Variants in ASAH1 observed in about 807,000 individuals in gnomAD.
The protein encoded by ASAH1 is N-acylsphingosine amidohydrolase 1.
A neutral mutation model predicts 59.5 loss-of-function variants in ASAH1; 70 were observed. The ratio of observed to expected loss-of-function variants is 1.18; its 90% confidence interval spans 0.97 to 1.43. The LOEUF is 1.43. Among genes scored for constraint, ASAH1 ranks in the 40% most tolerant of loss-of-function variants. ASAH1 has a pLI of 0.00. For synonymous variants in ASAH1, 213 were observed against 166.5 expected, an observed-to-expected ratio of 1.28 and a Z score of -2.15; for missense variants, 660 against 482.5, an observed-to-expected ratio of 1.37 and a Z score of -3.45.
intron 2 of ASAH1, 197 bp downstream of exon 2, chr8:18,075,344 A>T: frequency 1.4e-6 from 1 of 700,788 alleles, no homozygotes; most frequent in South Asian, 1.5e-5. Flanking sequence ...GGGCATTTGA[A>T]TCGGAAGATA....
In ASAH1 at chr8:18,057,510, G is replaced by A. The variant is rs182371905; in HGVS notation, c.*24C>T. On this transcript the variant is annotated 3_prime_UTR_variant, in exon 14 of 14. Coordinates refer to ENST00000637790, the MANE Select transcript of ASAH1 (RefSeq NM_177924.5). The stretch of plus-strand genomic sequence containing the variant: ...ATGGTGTCTTCATGTCTCAGAGGCC[G>A]CATTCTGTAGGCCAGACGTGTGCTC... The A allele has an allele frequency of 4.2e-5, 66 of 1,555,300 alleles. No individual in the cohort carries two copies. The highest frequency in any genetic ancestry group is 2.8e-4 in the East Asian group (12 of 42,686).
Position 18,067,251 on chromosome 8 carries a change from C to A in ASAH1, c.351G>T (p.Lys117Asn). ...NFPGPFEEEM[K>N]GIAAVTDIPL... ...GTATATCAGTAACAGCGGCAATACC[C>A]TTCATTTCCTCTTCAAAAGGGCCAG... Residue 117 changes from lysine (K) to asparagine (N), a missense_variant, in exon 5 of 14, where the codon AAG becomes AAT. Physicochemically the swap from Lys to Asn is moderately conservative, Grantham distance 94 (BLOSUM62 0). Transcript: ENST00000637790. 1 of 1,597,230 alleles carries A rather than the reference C, an allele frequency of 6.3e-7. No individual in the cohort carries two copies. The highest frequency in any genetic ancestry group is 2.2e-5 in the East Asian group (1 of 44,668).
rs886062781 is a variant in ASAH1, at chr8:18,061,458, C to A, written c.704G>T (p.Gly235Val). 3 of 1,610,128 alleles carry A rather than the reference C, an allele frequency of 1.9e-6. No individual in the cohort carries two copies. The highest frequency in any genetic ancestry group is 2.6e-6 in the Non-Finnish European group (3 of 1,176,294). ...CTTTCCCAGAATCCATTCTAGAATA[C>A]CTGGAAGAGATGAACACAATGTCAG... ...ERFSINGGYL[G>V]ILEWILGKKD... is the part of the protein sequence containing the mutation. Residue 235 changes from glycine (G) to valine (V), a missense_variant and splice_region_variant, in exon 10 of 14, where the codon GGT becomes GTT. By Grantham distance (109) the Gly-to-Val change is moderately radical. Transcript: ENST00000637790.
chr8:18,073,717 G>C (rs1391862315), intron 2 of ASAH1, among the ~76,000 whole-genome samples: 1 of 152,148 alleles, frequency 6.6e-6, no homozygotes, highest in Non-Finnish European at 1.5e-5. Context: ...TAATTGAAAA[G>C]GATGATCTCA....
upstream of ASAH1, chr8:18,084,141 C>T: frequency 6.4e-7 from 1 of 1,572,974 alleles, no homozygotes; most frequent in Non-Finnish European, 8.6e-7. Flanking sequence ...CACGCCCCCT[C>T]CGCCGCGTGA....
chr8:18,064,994 A>G (rs1401344901), intron 5 of ASAH1: 1 of 155,078 alleles, frequency 6.4e-6, no homozygotes, highest in African/African-American at 2.4e-5. Context: ...ATTCTAGGGT[A>G]TTTTATTTTT....
chr8:18,058,425 AG>A (rs1309448918), intron 13 of ASAH1: 1 of 180,736 alleles, frequency 5.5e-6, no homozygotes, highest in Non-Finnish European at 1.2e-5. Flanking sequence ...ACTACAGTGT[AG>A]GGAAAAGATA....
At chr8:18,064,776 C>G (rs1799863132) in intron 5 of ASAH1, 1 of 452,324 alleles carries the variant, frequency 2.2e-6, no homozygotes, top group East Asian at 3.5e-5. Context: ...TGCAATTGTT[C>G]TCCAACATCA....
At chr8:18,075,665 T>C in intron 1 of ASAH1, 78 bp from the exon 2 acceptor site, 1 of 1,343,174 alleles carries the variant, frequency 7.4e-7, no homozygotes, top group Non-Finnish European at 1.1e-6. Context: ...AAGTAGTTAA[T>C]CTGTGAAGAC....
In ASAH1 at chr8:18,062,280, G is replaced by A. The variant is rs919528988; in HGVS notation, c.647C>T (p.Pro216Leu). The A allele has an allele frequency of 8.7e-6, 14 of 1,614,044 alleles. No individual in the cohort carries two copies. Among genetic ancestry groups the A allele is most frequent in the Admixed American group, 1.7e-5 (1 of 60,006 alleles). The change falls in exon 8 of 14, where the codon CCA (proline) becomes CTA (leucine). Residue 216 changes from proline to leucine, a missense_variant and splice_region_variant. Transcript: ENST00000637790. ...GYVGMLTGFK[P>L]GLFSLTLNER... The stretch of plus-strand genomic sequence containing the variant: ...ATTATGTAACAACAGACTCCTTACT[G>A]GTTTGAATCCTGTTAACATGCCCAC...
intron 1 of ASAH1, among the ~76,000 whole-genome samples, chr8:18,077,158 A>G (rs1800437283): frequency 1.3e-5 from 2 of 152,206 alleles, no homozygotes; most frequent in Non-Finnish European, 2.9e-5. Context: ...ATTTCTGATA[A>G]TTCACAGAAA....
chr8:18,080,114 G>A (rs1800590614), intron 1 of ASAH1, among the ~76,000 whole-genome samples: 1 of 152,210 alleles, frequency 6.6e-6, no homozygotes, highest in African/African-American at 2.4e-5. Context: ...AAAAGCAGAT[G>A]AAGTGCAATA....
intron 1 of ASAH1, among the ~76,000 whole-genome samples, chr8:18,082,229 T>G (rs1285725583): frequency 6.6e-6 from 1 of 152,160 alleles, no homozygotes; most frequent in Non-Finnish European, 1.5e-5. Flanking sequence ...CATTGAGAGG[T>G]TGTTAATTCT....
chr8:18,064,682 T>C, intron 5 of ASAH1, 151 bp from the exon 6 acceptor site: 1 of 621,892 alleles, frequency 1.6e-6, no homozygotes, highest in Admixed American at 2.7e-5. Context: ...GGTGGTTTTC[T>C]TCCCCAGCCT....
At chr8:18,064,129 A>G (rs192210792) in intron 6 of ASAH1, 126 of 497,242 alleles carry the variant, frequency 2.5e-4, no homozygotes, top group African/African-American at 2.3e-3. Context: ...ATACACGAAG[A>G]TAAGGAAGCA....
chr8:18,080,401 C>T (rs1039057540), intron 1 of ASAH1, among the ~76,000 whole-genome samples: 1 of 152,130 alleles, frequency 6.6e-6, no homozygotes, highest in African/African-American at 2.4e-5. Flanking sequence ...CTTAGCCTAC[C>T]GCAAGCTGTT....
chr8:18,073,723 T>A (rs928424406), intron 2 of ASAH1, among the ~76,000 whole-genome samples: 23 of 152,158 alleles, frequency 1.5e-4, no homozygotes. Context: ...AAAAGGATGA[T>A]CTCAAAGGAA....
chr8:18,062,069 C>A, intron 8 of ASAH1: 1 of 677,646 alleles, frequency 1.5e-6, no homozygotes, highest in Non-Finnish European at 2.5e-6. Context: ...GCCACATGCT[C>A]TTTATCCCAG....
Position 18,075,565 on chromosome 8 carries a change from G to C in ASAH1, c.101C>G (p.Ser34Ter). The stretch of plus-strand genomic sequence containing the variant: ...CGTTGGTCCTGAAGGAGGATAGGTT[G>C]ATTTTCTGCAGTCCTCTGTCCACTG... ...APPWTEDCRK[S>*]TYPPSGPTYR... Residue 34 changes from serine to a stop codon, truncating the protein, a stop_gained, in exon 2 of 14, where the codon TCA (serine) becomes TGA (stop). Transcript: ENST00000637790. LOFTEE classifies it high-confidence loss of function. The C allele has an allele frequency of 1.2e-6, 2 of 1,614,148 alleles. No homozygotes were observed. Among genetic ancestry groups the C allele is most frequent in the Non-Finnish European group, 1.7e-6 (2 of 1,180,006 alleles).
Sources: gnomAD v4.1 joint callset for allele counts (sites outside exome capture counted in the v4.1 genomes callset) on GRCh38, gnomAD v4.1.1 for gene constraint, MANE v1.5 for transcripts, NCBI Gene and HGNC (gene_info 2026-07-23, HGNC 2026-07-21) for gene names.